The following TAF1B variants were observed in gnomAD, a reference collection of about 807,000 sequenced individuals.
The protein encoded by TAF1B is TATA box-binding protein-associated factor RNA polymerase I subunit B.
In TAF1B, 61 loss-of-function variants were observed where a neutral mutation model predicts 83.9. The ratio of observed to expected loss-of-function variants is 0.73; its 90% confidence interval spans 0.59 to 0.90. TAF1B has a LOEUF of 0.90. Ranked by LOEUF, TAF1B falls within the 40% of genes least tolerant of loss-of-function variation. The pLI, the probability that TAF1B is intolerant of heterozygous loss-of-function variation, is 0.00. For missense variants in TAF1B, 625 were observed against 677.0 expected, an observed-to-expected ratio of 0.92 and a Z score of 0.85; for synonymous variants, 221 against 224.6, an observed-to-expected ratio of 0.98 and a Z score of 0.14.
chr2:9,845,339 A>C, intron 2 of TAF1B, 21 bp downstream of exon 2: 1 of 1,596,618 alleles, frequency 6.3e-7, no homozygotes, highest in Non-Finnish European at 8.6e-7. Flanking sequence ...AATATCATTT[A>C]TGAATTTGCT....
At position 9,851,993 on chromosome 2, in the gene TAF1B, T is replaced by A. The variant is rs531309571; in HGVS notation, c.303+355T>A. The A allele has an allele frequency of 2.0e-4, 95 of 482,608 alleles. 1 individual carries two copies. Among genetic ancestry groups the A allele is most frequent in the African/African-American group, 1.6e-3 (83 of 50,744 alleles). The allele number at this position is 482,608 out of a possible 1,614,324, so 29.9% of individuals were successfully genotyped here. A position where few individuals can be genotyped will look rare whatever the true frequency, so the allele number is the denominator to read the frequency against. ...GGAATGTCCTGTGTGTTATTCACAA[T>A]TTGAGAACAAAATCGTTTGGTGTAT... On this transcript the variant is annotated intron_variant, in intron 4 of 14. Coordinates refer to ENST00000263663, the MANE Select transcript of TAF1B (RefSeq NM_005680.3).
chr2:9,892,597 G>A (rs556046569), intron 8 of TAF1B, among the ~76,000 whole-genome samples: 3 of 152,192 alleles, frequency 2.0e-5, no homozygotes, highest in Non-Finnish European at 2.9e-5. Flanking sequence ...CCATGGTGTC[G>A]CAAATGACAG....
intron 4 of TAF1B, 147 bp from the exon 5 acceptor site, chr2:9,854,179 C>T: frequency 1.7e-6 from 1 of 597,606 alleles, no homozygotes; most frequent in Non-Finnish European, 3.0e-6. Flanking sequence ...AGATTTTGTT[C>T]TCAACTTGTG....
intron 2 of TAF1B, among the ~76,000 whole-genome samples, chr2:9,848,975 T>C (rs949604694): frequency 2.0e-5 from 3 of 152,230 alleles, no homozygotes; most frequent in Non-Finnish European, 4.4e-5. Context: ...CCAAAACTAA[T>C]CTGTCTGTAG....
At chr2:9,875,486 C>T (rs1386041227) in intron 6 of TAF1B, among the ~76,000 whole-genome samples, 1 of 152,158 alleles carries the variant, frequency 6.6e-6, no homozygotes, top group Non-Finnish European at 1.5e-5. Flanking sequence ...GTTTAATGGA[C>T]TCACAGTTCC....
intron 5 of TAF1B, among the ~76,000 whole-genome samples, chr2:9,865,285 A>G (rs1416264281): frequency 6.6e-6 from 1 of 152,192 alleles, no homozygotes; most frequent in Non-Finnish European, 1.5e-5. Flanking sequence ...AAGCATTCTT[A>G]TACACCAATA....
At chr2:9,881,528 C>T (rs1664508046) in intron 7 of TAF1B, among the ~76,000 whole-genome samples, 1 of 152,016 alleles carries the variant, frequency 6.6e-6, no homozygotes, top group African/African-American at 2.4e-5. Flanking sequence ...ACCCCCATTT[C>T]TCATTCTCAG....
At chr2:9,855,827 G>T (rs539473323) in intron 5 of TAF1B, among the ~76,000 whole-genome samples, 1 of 152,286 alleles carries the variant, frequency 6.6e-6, no homozygotes, top group South Asian at 2.1e-4. Context: ...ATAATAAAGG[G>T]TTGAATATCT....
chr2:9,904,433 G>C (rs115945880), intron 8 of TAF1B, among the ~76,000 whole-genome samples: 129 of 152,310 alleles, frequency 8.5e-4, no homozygotes, highest in Non-Finnish European at 1.4e-3. Context: ...CAAAGGACAT[G>C]ATCTTGTTCT....
chr2:9,909,105 A>G (rs1665442542), intron 9 of TAF1B, among the ~76,000 whole-genome samples: 1 of 152,222 alleles, frequency 6.6e-6, no homozygotes, highest in African/African-American at 2.4e-5. Flanking sequence ...TTAATCAGCA[A>G]AACTTTTTTA....
chr2:9,889,290 C>T (rs1037437088), intron 8 of TAF1B, among the ~76,000 whole-genome samples: 2 of 151,784 alleles, frequency 1.3e-5, no homozygotes, highest in Admixed American at 1.3e-4. Flanking sequence ...ATTTTTCTGG[C>T]CTTTCTGCTT....
intron 6 of TAF1B, among the ~76,000 whole-genome samples, chr2:9,872,683 T>G (rs1664203999): frequency 1.3e-5 from 2 of 152,236 alleles, no homozygotes; most frequent in East Asian, 1.9e-4. Flanking sequence ...TAACGTGTTT[T>G]CAATTTGCCA....
intron 14 of TAF1B, among the ~76,000 whole-genome samples, chr2:9,923,596 T>A (rs1180679220): frequency 6.6e-6 from 1 of 151,966 alleles, no homozygotes; most frequent in Non-Finnish European, 1.5e-5. Context: ...GGCGAATCAC[T>A]TGAACCCAGG....
chr2:9,852,317 A>T (rs1021599366), intron 4 of TAF1B, among the ~76,000 whole-genome samples: 2 of 152,110 alleles, frequency 1.3e-5, no homozygotes, highest in Non-Finnish European at 2.9e-5. Flanking sequence ...ATATTCCTTC[A>T]TCTAGTAAAA....
chr2:9,885,880 C>A (rs1169011321), intron 8 of TAF1B, among the ~76,000 whole-genome samples: 1 of 151,982 alleles, frequency 6.6e-6, no homozygotes, highest in African/African-American at 2.4e-5. Flanking sequence ...ATCATGTTAT[C>A]TTTAATTCAC....
intron 5 of TAF1B, among the ~76,000 whole-genome samples, chr2:9,855,037 C>G (rs1260787010): frequency 6.6e-6 from 1 of 152,230 alleles, no homozygotes; most frequent in African/African-American, 2.4e-5. Flanking sequence ...TCTTGTTGCC[C>G]AGGCTGGAGT....
At chr2:9,932,637 C>T (rs574049550) in intron 14 of TAF1B, among the ~76,000 whole-genome samples, 4 of 152,284 alleles carry the variant, frequency 2.6e-5, no homozygotes, top group Non-Finnish European at 4.4e-5. Flanking sequence ...CAGGGACCCA[C>T]TTGAGGAGGC....
In TAF1B at chr2:9,934,051, A is replaced by T. The variant is rs1572304064; in HGVS notation, c.*67A>T. The T allele has an allele frequency of 1.6e-6, 2 of 1,282,300 alleles. No homozygotes were observed. The highest frequency in any genetic ancestry group is 3.0e-5 in the African/African-American group (2 of 66,476). The allele number at this position is 1,282,300 out of a possible 1,614,324, so 79.4% of individuals were successfully genotyped here. ...GATAATAACATCAGATTTTAATATA[A>T]CATTCCAGAGAATTGTGGAAAATAC... On this transcript the variant is annotated 3_prime_UTR_variant, in exon 15 of 15. Transcript: ENST00000263663.
chr2:9,909,640 G>C (rs917893719), intron 9 of TAF1B, among the ~76,000 whole-genome samples: 1 of 152,168 alleles, frequency 6.6e-6, no homozygotes, highest in African/African-American at 2.4e-5. Context: ...CAGTTATAAG[G>C]GTGGCCTAAG....
Sources: allele counts gnomAD v4.1 joint callset (sites outside exome capture counted in the v4.1 genomes callset), GRCh38; gene constraint gnomAD v4.1.1; transcripts MANE v1.5; gene names NCBI Gene and HGNC (gene_info 2026-07-23, HGNC 2026-07-21).